Variants in RAB28 observed in about 807,000 individuals in gnomAD.
RAB28 encodes the protein ras-related protein Rab-28.
RAB28 carries 24 observed loss-of-function variants against 31.7 expected under a neutral mutation model. The ratio of observed to expected loss-of-function variants is 0.76; its 90% CI spans 0.55 to 1.06. The LOEUF is 1.06. RAB28 is among the 50% of genes least tolerant of loss of function. The pLI, the probability that RAB28 is intolerant of heterozygous loss-of-function variation, is 0.00. For missense variants in RAB28, 254 were observed against 258.5 expected (o/e 0.98, Z 0.12); for synonymous variants, 100 against 90.4 (o/e 1.11, Z -0.60).
intron 4 of RAB28, 99 bp downstream of exon 4, chr4:13,460,600 G>C: frequency 6.9e-7 from 1 of 1,451,878 alleles, no homozygotes; most frequent in Non-Finnish European, 9.6e-7. Flanking sequence ...TGGGGATTAG[G>C]TCTTTGACAT....
chr4:13,449,452 C>G (rs981892527), intron 4 of RAB28, among the ~76,000 whole-genome samples: 2 of 151,868 alleles, frequency 1.3e-5, no homozygotes, highest in Non-Finnish European at 2.9e-5. Flanking sequence ...AAATTTTCAA[C>G]TTGAAGTTTA....
intron 1 of RAB28, among the ~76,000 whole-genome samples, chr4:13,483,775 T>G (rs1053013688): frequency 6.6e-6 from 1 of 152,172 alleles, no homozygotes; most frequent in African/African-American, 2.4e-5. Context: ...TAAGATGCCT[T>G]GGCAAATCCC....
chr4:13,398,433 G>A (rs1711550286), intron 4 of RAB28, among the ~76,000 whole-genome samples: 1 of 152,064 alleles, frequency 6.6e-6, no homozygotes, highest in Non-Finnish European at 1.5e-5. Flanking sequence ...GAGTGTATTT[G>A]TCTTACCCAG....
At chr4:13,465,371 A>AG (rs1477177490) in intron 3 of RAB28, among the ~76,000 whole-genome samples, 2 of 151,862 alleles carry the variant, frequency 1.3e-5, no homozygotes, top group Non-Finnish European at 2.9e-5. Context: ...GAAAAAAAAA[A>AG]CAGAGAAATC....
chr4:13,427,879 G>C (rs569366062), intron 4 of RAB28, among the ~76,000 whole-genome samples: 3 of 152,206 alleles, frequency 2.0e-5, no homozygotes, highest in African/African-American at 4.8e-5. Context: ...CACAGACACC[G>C]AGTTAAAGAA....
intron 4 of RAB28, among the ~76,000 whole-genome samples, chr4:13,443,179 G>GT (rs200861366): frequency 0.018 from 2,575 of 144,962 alleles, 22 homozygotes; most frequent in Non-Finnish European, 0.021. Context: ...AATATAAATG[G>GT]TTTTTTTTTT....
intron 4 of RAB28, among the ~76,000 whole-genome samples, chr4:13,382,834 G>A (rs1729192031): frequency 6.6e-6 from 1 of 151,562 alleles, no homozygotes; most frequent in Non-Finnish European, 1.5e-5. Flanking sequence ...AAGTAGCTGG[G>A]ATTACAGGCG....
intron 6 of RAB28, among the ~76,000 whole-genome samples, chr4:13,373,941 A>ATGTATGTATG (rs1728819630): frequency 6.6e-6 from 1 of 151,760 alleles, no homozygotes; most frequent in African/African-American, 2.4e-5. Flanking sequence ...GTGTGTATAT[A>ATGTATGTATG]TATGTATGTA....
chr4:13,483,298 A>T (rs538667139), intron 1 of RAB28, among the ~76,000 whole-genome samples: 1 of 152,116 alleles, frequency 6.6e-6, no homozygotes, highest in East Asian at 1.9e-4. Context: ...GCCCGCATTC[A>T]TTCATTCGAA....
intron 4 of RAB28, among the ~76,000 whole-genome samples, chr4:13,416,947 G>A (rs1712819903): frequency 6.6e-6 from 1 of 152,198 alleles, no homozygotes. Flanking sequence ...ACTTCACCCA[G>A]GAAACACAAG....
chr4:13,421,618 T>C (rs1253513789), intron 4 of RAB28, among the ~76,000 whole-genome samples: 3 of 152,196 alleles, frequency 2.0e-5, no homozygotes, highest in African/African-American at 7.2e-5. Flanking sequence ...AACCATCTGA[T>C]CTTCGACAAA....
intron 2 of RAB28, 71 bp from the exon 3 acceptor site, chr4:13,474,477 A>G (rs543383678): frequency 6.3e-5 from 56 of 885,746 alleles, no homozygotes; most frequent in African/African-American, 4.8e-4. Context: ...CAAGTGACAC[A>G]GTATCACAGA....
intron 1 of RAB28, among the ~76,000 whole-genome samples, chr4:13,480,977 A>T: frequency 6.6e-6 from 1 of 151,960 alleles, no homozygotes; most frequent in East Asian, 1.9e-4. Context: ...ATCACTACTT[A>T]TACTATTACA....
At chr4:13,428,854 T>C (rs1713654148) in intron 4 of RAB28, among the ~76,000 whole-genome samples, 1 of 150,206 alleles carries the variant, frequency 6.7e-6, no homozygotes, top group South Asian at 2.1e-4. Flanking sequence ...TATATCATAA[T>C]AACACTGAAA....
intron 2 of RAB28, among the ~76,000 whole-genome samples, chr4:13,478,590 C>T (rs1716469817): frequency 6.6e-6 from 1 of 151,620 alleles, no homozygotes; most frequent in South Asian, 2.1e-4. Context: ...GTACATGAAT[C>T]TGACATTACA....
Position 13,368,181 on chromosome 4 carries a change from ATG to A in RAB28, c.*375_*376del, listed in dbSNP as rs2108870882. Reference sequence around the variant, plus strand: ...GACACATACAAGTTCCGATAAGAGAATGAAATTGCTGTGGCAAAATCCTGGCT... The same window carrying A: ...GACACATACAAGTTCCGATAAGAGAAAAATTGCTGTGGCAAAATCCTGGCT... On this transcript the variant is annotated 3_prime_UTR_variant, in exon 7 of 7. Coordinates refer to ENST00000330852, the MANE Select transcript of RAB28 (RefSeq NM_001017979.3). The A allele has an allele frequency of 1.0e-6, 1 of 990,060 alleles. No homozygotes were observed. The highest frequency in any genetic ancestry group is 4.7e-5 in the South Asian group (1 of 21,462). 61.3% of individuals were successfully genotyped at this position (990,060 alleles called of 1,614,324 possible). A position where few individuals can be genotyped will look rare whatever the true frequency, so the allele number is the denominator to read the frequency against.
chr4:13,419,181 A>C (rs930058981), intron 4 of RAB28, among the ~76,000 whole-genome samples: 3 of 152,252 alleles, frequency 2.0e-5, no homozygotes, highest in Non-Finnish European at 4.4e-5. Flanking sequence ...AAAGGGATCA[A>C]TTCAACAAAA....
rs967999485 is a variant in RAB28, at chr4:13,452,612, A to G, written c.391+8087T>C. On this transcript the variant is annotated intron_variant, in intron 4 of 6. Transcript: ENST00000330852. ...TACTGTTGGTTTCTAGTTTTATTCC[A>G]TATAGTCAGATAAGATACTTGATAT... Among the ~76,000 whole-genome samples the G allele has an allele frequency of 4.3e-4, 66 of 152,044 alleles. 1 individual carries two copies. Among genetic ancestry groups the G allele is most frequent in the Admixed American group, 4.6e-4 (7 of 15,268 alleles).
chr4:13,416,130 G>A (rs565243430), intron 4 of RAB28, among the ~76,000 whole-genome samples: 1 of 152,246 alleles, frequency 6.6e-6, no homozygotes, highest in Non-Finnish European at 1.5e-5. Context: ...TGTGGGTGGG[G>A]CCAGATAAGA....
Sources: allele counts gnomAD v4.1 joint callset (sites outside exome capture counted in the v4.1 genomes callset), GRCh38; gene constraint gnomAD v4.1.1; transcripts MANE v1.5; gene names NCBI Gene and HGNC (gene_info 2026-07-23, HGNC 2026-07-21).